EDA: variants seen among roughly 807,000 people sequenced by gnomAD.
EDA encodes the protein ectodysplasin A.
In EDA, 2 loss-of-function variants were observed where a neutral mutation model predicts 23.6. That is an observed-to-expected ratio of 0.08 (90% CI 0.03 to 0.27). The LOEUF is 0.27. Among genes scored for constraint, EDA ranks in the 10% least tolerant of loss-of-function variants. The probability of loss-of-function intolerance (pLI) is 1.00; values close to 1 mark genes in which losing one functional copy is unlikely to be tolerated. For synonymous variants in EDA, 131 were observed against 132.0 expected, an observed-to-expected ratio of 0.99 and a Z score of 0.05; for missense variants, 229 against 324.2, an observed-to-expected ratio of 0.71 and a Z score of 2.26.
chrX:69,757,477 G>C (rs1038890837), intron 1 of EDA, among the ~76,000 whole-genome samples: 1 of 112,033 alleles, frequency 8.9e-6, no homozygotes, highest in Non-Finnish European at 1.9e-5. Flanking sequence ...TCAGCTTAAT[G>C]TATTTCTTTT....
intron 1 of EDA, among the ~76,000 whole-genome samples, chrX:69,815,479 A>T (rs1433747514): frequency 9.1e-6 from 1 of 110,370 alleles, no homozygotes. Flanking sequence ...GGGTAGACTC[A>T]GCCGTTCCAG....
intron 2 of EDA, among the ~76,000 whole-genome samples, chrX:69,980,686 A>T (rs1449472831): frequency 8.9e-6 from 1 of 112,292 alleles, no homozygotes; most frequent in African/African-American, 3.2e-5. Context: ...ATTCTAAAAA[A>T]TTATCATTGA....
chrX:69,660,493 C>A (rs1477840762), intron 1 of EDA, among the ~76,000 whole-genome samples: 1 of 107,574 alleles, frequency 9.3e-6, no homozygotes, highest in Admixed American at 1.0e-4. Flanking sequence ...CCTCCCCACT[C>A]CCCCCACCCC....
At chrX:70,027,634 C>G (rs1236650400) in intron 3 of EDA, among the ~76,000 whole-genome samples, 1 of 110,571 alleles carries the variant, frequency 9.0e-6, no homozygotes, top group African/African-American at 3.3e-5. Context: ...ACCAACCTGG[C>G]CGACATGGTG....
At chrX:69,982,014 G>A (rs2019415566) in intron 2 of EDA, among the ~76,000 whole-genome samples, 1 of 111,313 alleles carries the variant, frequency 9.0e-6, no homozygotes, top group Admixed American at 9.6e-5. Flanking sequence ...GAGGGGAAGG[G>A]GGCGTTTAAG....
intron 1 of EDA, among the ~76,000 whole-genome samples, chrX:69,702,859 G>T (rs897920589): frequency 1.8e-5 from 2 of 111,208 alleles, no homozygotes. Context: ...GGGCCATTTG[G>T]ACCCATTATC....
chrX:69,853,416 G>A (rs181428083), intron 1 of EDA, among the ~76,000 whole-genome samples: 7 of 111,362 alleles, frequency 6.3e-5, no homozygotes, highest in Non-Finnish European at 9.4e-5. Flanking sequence ...GAATGAGAAA[G>A]GTCTACCATG....
intron 2 of EDA, among the ~76,000 whole-genome samples, chrX:69,965,381 A>G (rs1008685871): frequency 8.9e-6 from 1 of 111,961 alleles, no homozygotes; most frequent in Non-Finnish European, 1.9e-5. Flanking sequence ...AATCCATTTT[A>G]TGGAATTTAG....
chrX:69,687,186 A>G (rs974955454), intron 1 of EDA, among the ~76,000 whole-genome samples: 25 of 110,002 alleles, frequency 2.3e-4, no homozygotes, highest in Non-Finnish European at 4.5e-4. Context: ...TGATTTTTTC[A>G]TGTGCTCATT....
At chrX:69,817,159 A>T (rs914451759) in intron 1 of EDA, among the ~76,000 whole-genome samples, 3 of 111,967 alleles carry the variant, frequency 2.7e-5, no homozygotes, top group African/African-American at 9.7e-5. Flanking sequence ...CTTTTCAGAC[A>T]GGCGAATGCT....
intron 1 of EDA, among the ~76,000 whole-genome samples, chrX:69,726,508 T>C (rs1179082428): frequency 1.8e-5 from 2 of 112,625 alleles, no homozygotes; most frequent in East Asian, 5.5e-4. Flanking sequence ...TGGAGGAAGA[T>C]AATATCATCC....
Position 69,689,626 on chromosome X carries a change from C to T in EDA, c.396+72922C>T, listed in dbSNP as rs1199404431. ...CTGGGATTACAGGTGTGAGCCACCG[C>T]GCCCGGCCCAACTTTGTTCTTCTTT... On this transcript the variant is annotated intron_variant, in intron 1 of 7. Transcript: ENST00000374552. Among the ~76,000 whole-genome samples the T allele has an allele frequency of 3.0e-5, 3 of 98,407 alleles. No individual in the cohort carries two copies. In the Admixed American group the frequency reaches 3.3e-4, roughly 11 times the overall value. 85.5% of individuals were successfully genotyped at this position (98,407 alleles called of 115,157 possible).
intron 1 of EDA, among the ~76,000 whole-genome samples, chrX:69,767,221 G>A (rs1438008786): frequency 8.1e-5 from 9 of 111,225 alleles, no homozygotes; most frequent in African/African-American, 2.9e-4. Flanking sequence ...TTACTTTTTA[G>A]TACTTTTATT....
intron 1 of EDA, among the ~76,000 whole-genome samples, chrX:69,630,638 A>T (rs1336225422): frequency 8.9e-6 from 1 of 112,121 alleles, no homozygotes; most frequent in East Asian, 2.8e-4. Flanking sequence ...TCTTGTGGTT[A>T]TTTCTTAGAG....
intron 1 of EDA, among the ~76,000 whole-genome samples, chrX:69,908,692 G>A (rs2018213787): frequency 9.1e-6 from 1 of 109,407 alleles, no homozygotes; most frequent in Non-Finnish European, 1.9e-5. Context: ...ACTTTAGTGG[G>A]ACATGGTAGT....
intron 3 of EDA, among the ~76,000 whole-genome samples, chrX:70,024,904 G>A (rs1415702267): frequency 8.9e-6 from 1 of 112,131 alleles, no homozygotes; most frequent in Admixed American, 9.4e-5. Context: ...ATGTTTCTAA[G>A]TACAAACGTC....
chrX:69,811,471 C>G (rs780200609), intron 1 of EDA, among the ~76,000 whole-genome samples: 29 of 112,182 alleles, frequency 2.6e-4, no homozygotes, highest in African/African-American at 9.4e-4. Flanking sequence ...TACAGCACAG[C>G]ACAACTCATA....
intron 1 of EDA, among the ~76,000 whole-genome samples, chrX:69,633,654 T>C (rs2147221023): frequency 9.4e-6 from 1 of 105,946 alleles, no homozygotes; most frequent in East Asian, 3.1e-4. Flanking sequence ...GCATAATATT[T>C]TCAAAATTCA....
chrX:69,781,621 G>A (rs1370725091), intron 1 of EDA, among the ~76,000 whole-genome samples: 1 of 111,409 alleles, frequency 9.0e-6, no homozygotes, highest in African/African-American at 3.3e-5. Flanking sequence ...GTTATATTTT[G>A]AATGTCTTGG....
Sources: allele counts gnomAD v4.1 joint callset (sites outside exome capture counted in the v4.1 genomes callset), GRCh38; gene constraint gnomAD v4.1.1; transcripts MANE v1.5; gene names NCBI Gene and HGNC (gene_info 2026-07-23, HGNC 2026-07-21).